Variants in RIMS2 observed in about 807,000 individuals in gnomAD.
RIMS2 encodes the protein regulating synaptic membrane exocytosis protein 2.
A neutral mutation model predicts 174.4 loss-of-function variants in RIMS2; 59 were observed. The observed-to-expected ratio is 0.34, with a 90% CI of 0.27 to 0.42. The LOEUF (loss-of-function observed/expected upper bound fraction) is 0.42. Ranked by LOEUF, RIMS2 falls within the 10% of genes least tolerant of loss-of-function variation. The pLI is 1.00. For missense variants in RIMS2, 1,620 were observed against 1,666.3 expected (o/e 0.97, Z 0.48); for synonymous variants, 606 against 572.5 (o/e 1.06, Z -0.84).
intron 3 of RIMS2, among the ~76,000 whole-genome samples, chr8:103,838,278 A>T (rs1008785942): frequency 6.6e-5 from 10 of 152,104 alleles, no homozygotes; most frequent in African/African-American, 2.2e-4. Flanking sequence ...CAGCAATAGC[A>T]TATCAAATCC....
At chr8:103,910,479 G>T in intron 5 of RIMS2, 1 of 1,597,466 alleles carries the variant, frequency 6.3e-7, no homozygotes, top group Middle Eastern at 1.7e-4. Flanking sequence ...CTCTGGGGTA[G>T]ATACGTGTAG....
chr8:103,834,032 C>A (rs2098842159), intron 3 of RIMS2, among the ~76,000 whole-genome samples: 1 of 151,974 alleles, frequency 6.6e-6, no homozygotes, highest in Non-Finnish European at 1.5e-5. Flanking sequence ...TTTTTTGAGA[C>A]AGAGTCTTAC....
chr8:104,101,522 T>C (rs2097901576), intron 19 of RIMS2, among the ~76,000 whole-genome samples: 1 of 152,156 alleles, frequency 6.6e-6, no homozygotes. Context: ...AGGTGTAAAA[T>C]GTGATGTTTT....
intron 1 of RIMS2, among the ~76,000 whole-genome samples, chr8:103,596,867 A>G (rs1318232696): frequency 6.6e-6 from 1 of 152,086 alleles, no homozygotes; most frequent in Non-Finnish European, 1.5e-5. Flanking sequence ...TTATTTTGTA[A>G]TAATTGCATC....
At chr8:103,791,043 A>G (rs1237316024) in intron 3 of RIMS2, among the ~76,000 whole-genome samples, 1 of 152,216 alleles carries the variant, frequency 6.6e-6, no homozygotes, top group Non-Finnish European at 1.5e-5. Flanking sequence ...AAGGCAGGCC[A>G]ACATTCAAAT....
intron 5 of RIMS2, 32 bp from the exon 8 acceptor site, chr8:103,910,289 A>G: frequency 4.5e-6 from 6 of 1,328,092 alleles, no homozygotes; most frequent in Non-Finnish European, 6.3e-6. Context: ...TCTTTTTTGT[A>G]TCTTTTTTTT....
At chr8:104,169,929 G>T (rs2441880) in intron 19 of RIMS2, among the ~76,000 whole-genome samples, 122,748 of 152,046 alleles carry the variant, frequency 0.81, 50,029 homozygotes, top group East Asian at 1. Context: ...ACCCAAAAAT[G>T]ATTCAAGAGC....
At chr8:103,654,445 A>G (rs901083434) in intron 1 of RIMS2, among the ~76,000 whole-genome samples, 1 of 151,990 alleles carries the variant, frequency 6.6e-6, no homozygotes, top group Non-Finnish European at 1.5e-5. Flanking sequence ...ATTAATTGGT[A>G]TTATTTCAGT....
intron 19 of RIMS2, among the ~76,000 whole-genome samples, chr8:104,120,944 A>T (rs2098364198): frequency 4.6e-5 from 7 of 152,206 alleles, no homozygotes. Context: ...GCAGTATTTT[A>T]CAAGAAAGTG....
At chr8:103,623,478 GTTTTTTT>G (rs71575976) in intron 1 of RIMS2, among the ~76,000 whole-genome samples, 2 of 83,238 alleles carry the variant, frequency 2.4e-5, no homozygotes, top group South Asian at 4.7e-4. Context: ...GGTTTCTTCA[GTTTTTTT>G]TTTTTTTTTT....
chr8:104,198,582 C>A (rs1200025210), intron 19 of RIMS2, among the ~76,000 whole-genome samples: 1 of 152,156 alleles, frequency 6.6e-6, no homozygotes, highest in Admixed American at 6.5e-5. Flanking sequence ...TTTTCTCCTG[C>A]CAATCCAGAT....
At chr8:103,533,041 C>T (rs1362207110) in intron 1 of RIMS2, among the ~76,000 whole-genome samples, 2 of 152,044 alleles carry the variant, frequency 1.3e-5, no homozygotes, top group Non-Finnish European at 2.9e-5. Flanking sequence ...ACAATATTCT[C>T]AAGTAGGGAA....
chr8:104,086,933 A>G (rs1477262152), intron 19 of RIMS2, among the ~76,000 whole-genome samples: 1 of 152,108 alleles, frequency 6.6e-6, no homozygotes, highest in Non-Finnish European at 1.5e-5. Flanking sequence ...GGTGTGCCCA[A>G]CTGTCTGTTC....
intron 15 of RIMS2, among the ~76,000 whole-genome samples, chr8:103,962,809 T>G (rs1208597173): frequency 6.6e-6 from 1 of 152,140 alleles, no homozygotes. Context: ...GGTTACTAAC[T>G]AGGGCACGAT....
chr8:103,533,893 G>T (rs2130996580), intron 1 of RIMS2, among the ~76,000 whole-genome samples: 1 of 152,220 alleles, frequency 6.6e-6, no homozygotes, highest in East Asian at 1.9e-4. Context: ...GTTCCTTCTT[G>T]TAGATGTAAC....
At chr8:104,230,072 G>C (rs573714989) in intron 19 of RIMS2, among the ~76,000 whole-genome samples, 1 of 152,138 alleles carries the variant, frequency 6.6e-6, no homozygotes, top group South Asian at 2.1e-4. Context: ...CTGAGGTCGG[G>C]AGTTCAAGAC....
rs768011071 is a variant in RIMS2, at chr8:104,013,542, C to T, written c.3145C>T (p.Arg1049Cys). 4.2e-5 allele frequency: 67 copies of T among 1,613,786 alleles called. No homozygotes were observed. In the Middle Eastern group the frequency reaches 1.6e-3, roughly 40 times the overall value. Residue 1049 changes from arginine to cysteine, a missense_variant, in exon 18 of 24, where the codon CGT becomes TGT. Physicochemically the swap from Arg to Cys is radical, Grantham distance 180. Coordinates refer to ENST00000504942, the Ensembl canonical transcript of RIMS2. ...CACCACCCGCTCCAGATCCACTGAA[C>T]GTCCTGATACAAACCTCATGAGGTC...
chr8:103,763,439 GA>G (rs60882790), intron 2 of RIMS2, among the ~76,000 whole-genome samples: 11,417 of 141,382 alleles, frequency 0.081, 476 homozygotes, highest in African/African-American at 0.096. Context: ...CTGTTTCAAG[GA>G]AAAAAAAAAA....
intron 3 of RIMS2, among the ~76,000 whole-genome samples, chr8:103,816,060 A>G (rs370067686): frequency 1.1e-4 from 17 of 152,188 alleles, no homozygotes; most frequent in African/African-American, 3.9e-4. Flanking sequence ...TTTATGTTAC[A>G]TGTGAACCTG....
Sources: gnomAD v4.1 joint callset for allele counts (sites outside exome capture counted in the v4.1 genomes callset) on GRCh38, gnomAD v4.1.1 for gene constraint, MANE v1.5 for transcripts, NCBI Gene and HGNC (gene_info 2026-07-23, HGNC 2026-07-21) for gene names.